Variants in ERC1 observed in about 807,000 individuals in gnomAD.
ERC1 encodes ELKS/RAB6-interacting/CAST family member 1.
Under a neutral mutation model 132.0 loss-of-function variants are expected in ERC1, and 56 were observed. The observed-to-expected ratio is 0.42, with a 90% confidence interval of 0.34 to 0.53. ERC1 has a LOEUF of 0.53. Among genes scored for constraint, ERC1 ranks in the 20% least tolerant of loss-of-function variants. ERC1 has a pLI of 0.03. For missense variants in ERC1, 1,202 were observed against 1,349.9 expected (o/e 0.89, Z 1.72); for synonymous variants, 478 against 476.1 (o/e 1.00, Z -0.05).
At chr12:1,293,765 A>G (rs568468817) in intron 15 of ERC1, among the ~76,000 whole-genome samples, 3 of 152,282 alleles carry the variant, frequency 2.0e-5, no homozygotes, top group East Asian at 1.9e-4. Flanking sequence ...TTTAGGGGGG[A>G]AAATAAAAAT....
At chr12:1,387,946 A>G (rs1478221491) in intron 16 of ERC1, among the ~76,000 whole-genome samples, 1 of 152,244 alleles carries the variant, frequency 6.6e-6, no homozygotes, top group African/African-American at 2.4e-5. Flanking sequence ...AGGTGAATAC[A>G]TTATCTCTGC....
At chr12:1,130,741 CA>C (rs1009094216) in intron 7 of ERC1, among the ~76,000 whole-genome samples, 4 of 43,818 alleles carry the variant, frequency 9.1e-5, no homozygotes, top group African/African-American at 1.6e-4. Flanking sequence ...AAACAGAGCA[CA>C]ATTGCAGTTT....
intron 15 of ERC1, among the ~76,000 whole-genome samples, chr12:1,301,897 C>CT (rs2080432848): frequency 6.6e-6 from 1 of 152,104 alleles, no homozygotes; most frequent in Admixed American, 6.5e-5. Context: ...GCCCCAATGG[C>CT]TTTACTGTTG....
chr12:1,413,748 G>A (rs147275270), intron 17 of ERC1, among the ~76,000 whole-genome samples: 3 of 152,196 alleles, frequency 2.0e-5, no homozygotes, highest in Admixed American at 6.5e-5. Flanking sequence ...TAAATCACTT[G>A]AATAAATGTC....
At chr12:1,436,307 CA>C (rs1442388459) in intron 17 of ERC1, among the ~76,000 whole-genome samples, 1 of 152,220 alleles carries the variant, frequency 6.6e-6, no homozygotes, top group Non-Finnish European at 1.5e-5. Context: ...AGTGACTAGA[CA>C]GTCATACTTG....
chr12:992,420 A>G (rs1959735410), intron 1 of ERC1, among the ~76,000 whole-genome samples: 1 of 152,248 alleles, frequency 6.6e-6, no homozygotes, highest in Admixed American at 6.5e-5. Context: ...TTGCTTGCTC[A>G]GTACACCTTG....
intron 15 of ERC1, among the ~76,000 whole-genome samples, chr12:1,359,591 G>A (rs1016060055): frequency 2.6e-5 from 4 of 152,124 alleles, no homozygotes; most frequent in African/African-American, 9.7e-5. Flanking sequence ...CTCGTTAACA[G>A]ACCTACCCTT....
At chr12:1,196,978 T>A (rs71435023) in intron 12 of ERC1, among the ~76,000 whole-genome samples, 2,995 of 45,218 alleles carry the variant, frequency 0.066, 144 homozygotes, top group African/African-American at 0.12. Context: ...ATATATATAT[T>A]TTTTTTTTTT....
chr12:1,151,561 TCTC>T (rs1156762405), intron 8 of ERC1, among the ~76,000 whole-genome samples: 1 of 152,236 alleles, frequency 6.6e-6, no homozygotes, highest in Non-Finnish European at 1.5e-5. Context: ...AGGTCATTAT[TCTC>T]CTCTGCTTTC....
chr12:1,365,980 G>A (rs982197618), intron 15 of ERC1, among the ~76,000 whole-genome samples: 8 of 152,142 alleles, frequency 5.3e-5, no homozygotes, highest in Non-Finnish European at 2.9e-5. Context: ...GACAAATACT[G>A]TTTGATTTCA....
intron 3 of ERC1, among the ~76,000 whole-genome samples, chr12:1,096,187 C>G (rs1944016611): frequency 6.6e-6 from 1 of 152,124 alleles, no homozygotes; most frequent in South Asian, 2.1e-4. Context: ...CTTGGTTTCC[C>G]AAAGTGTTTG....
intron 15 of ERC1, among the ~76,000 whole-genome samples, chr12:1,321,183 G>T (rs1035533308): frequency 2.6e-5 from 4 of 152,162 alleles, no homozygotes; most frequent in Non-Finnish European, 5.9e-5. Flanking sequence ...GGTCACAACA[G>T]GACATAAACA....
chr12:1,252,325 T>G (rs1248859943), intron 13 of ERC1, among the ~76,000 whole-genome samples: 1 of 152,194 alleles, frequency 6.6e-6, no homozygotes, highest in African/African-American at 2.4e-5. Context: ...ACATCAGTTG[T>G]CTGTTATTTT....
chr12:1,252,865 G>A lies in ERC1; in HGVS notation c.2488-10169G>A, dbSNP rs543479872. On this transcript the variant is annotated intron_variant, in intron 13 of 18. Transcript: ENST00000360905. ...TCTGAGAAGTTGGTAAATGAATTCT[G>A]ACATGTTGAATGATTTTAATGAAAT... is the stretch of plus-strand genomic sequence containing the variant. Among the ~76,000 whole-genome samples the A allele has an allele frequency of 3.3e-4, 50 of 152,250 alleles. 1 individual carries two copies. The highest frequency in any genetic ancestry group is 1.2e-3 in the African/African-American group (50 of 41,556).
chr12:1,203,351 C>T (rs1329840659), intron 12 of ERC1, among the ~76,000 whole-genome samples: 2 of 152,206 alleles, frequency 1.3e-5, no homozygotes. Flanking sequence ...AGCCACTGCG[C>T]CTGCCCGGCT....
At chr12:1,071,960 G>C (rs1940448880) in intron 2 of ERC1, among the ~76,000 whole-genome samples, 1 of 152,082 alleles carries the variant, frequency 6.6e-6, no homozygotes, top group South Asian at 2.1e-4. Context: ...AACTAGCTAG[G>C]CTTGGTGGCG....
chr12:1,466,923 A>G (rs560387735), intron 18 of ERC1, among the ~76,000 whole-genome samples: 2 of 152,198 alleles, frequency 1.3e-5, no homozygotes, highest in African/African-American at 2.4e-5. Context: ...TATACAAAAG[A>G]CCACCTAGGC....
chr12:1,475,521 TAAGAAAGATAGAG>T (rs1764435193), intron 18 of ERC1, among the ~76,000 whole-genome samples: 3 of 151,780 alleles, frequency 2.0e-5, no homozygotes, highest in Non-Finnish European at 2.9e-5. Flanking sequence ...CCGTGAAGGA[TAAGAAAGATAGAG>T]AAGAAAGATG....
At chr12:1,344,341 C>T (rs535918363) in intron 15 of ERC1, among the ~76,000 whole-genome samples, 3 of 152,040 alleles carry the variant, frequency 2.0e-5, no homozygotes, top group Non-Finnish European at 4.4e-5. Context: ...CAGTAGATTC[C>T]GTCAGCATCT....
Sources: allele counts gnomAD v4.1 joint callset (sites outside exome capture counted in the v4.1 genomes callset), GRCh38; gene constraint gnomAD v4.1.1; transcripts MANE v1.5; gene names NCBI Gene and HGNC (gene_info 2026-07-23, HGNC 2026-07-21).